The following SYT16 variants were observed in gnomAD, a reference collection of about 807,000 sequenced individuals.
SYT16 encodes synaptotagmin 16.
A neutral mutation model predicts 61.4 loss-of-function variants in SYT16; 42 were observed. The ratio of observed to expected loss-of-function variants is 0.68; its 90% CI spans 0.53 to 0.89. The LOEUF is 0.89. Among genes scored for constraint, SYT16 ranks in the 40% least tolerant of loss-of-function variants. The probability of loss-of-function intolerance (pLI) is 0.00; values close to 1 mark genes in which losing one functional copy is unlikely to be tolerated. For synonymous variants in SYT16, 314 were observed against 302.3 expected (o/e 1.04, Z -0.40); for missense variants, 804 against 807.3 (o/e 1.00, Z 0.05).
chr14:61,875,094 A>C (rs1014269017), intron 1 of SYT16, among the ~76,000 whole-genome samples: 2 of 152,256 alleles, frequency 1.3e-5, no homozygotes, highest in East Asian at 1.9e-4. Context: ...GTACTAAATC[A>C]GTCTACATTT....
intron 1 of SYT16, among the ~76,000 whole-genome samples, chr14:61,846,838 T>C (rs1452091624): frequency 2.6e-5 from 4 of 152,204 alleles, no homozygotes; most frequent in Admixed American, 2.6e-4. Flanking sequence ...GTTTTTTTAT[T>C]GGAAGTTACC....
At position 62,075,190 on chromosome 14, in the gene SYT16, T is replaced by A; in HGVS notation, c.792T>A (p.Asp264Glu). Residue 264 changes from aspartate to glutamate, a missense_variant, in exon 5 of 8, where the codon GAT (aspartate) becomes GAA (glutamate). Physicochemically the swap from Asp to Glu is conservative, Grantham distance 45. Coordinates refer to ENST00000683842, the MANE Select transcript of SYT16 (RefSeq NM_001367656.1). ...CTGAGAATCTCTCCTACGGTGAAGA[T>A]GACCACATCCCTGCTCACTCACAGT... ...RYSENLSYGE[D>E]DHIPAHSQSP... The A allele has an allele frequency of 6.2e-7, 1 of 1,613,166 alleles. No homozygotes were observed. The highest frequency in any genetic ancestry group is 1.1e-5 in the South Asian group (1 of 90,956).
chr14:61,965,881 C>T (rs940232960), intron 1 of SYT16, among the ~76,000 whole-genome samples: 1 of 150,468 alleles, frequency 6.6e-6, no homozygotes, highest in Non-Finnish European at 1.5e-5. Flanking sequence ...GAAAAATGAA[C>T]AAAAGAGACT....
intron 3 of SYT16, among the ~76,000 whole-genome samples, chr14:62,062,928 C>G (rs1295872100): frequency 6.6e-6 from 1 of 152,320 alleles, no homozygotes; most frequent in South Asian, 2.1e-4. Context: ...AGGCTTGGAG[C>G]TACTCTGATC....
chr14:61,940,552 A>G (rs1002487479), intron 1 of SYT16, among the ~76,000 whole-genome samples: 1 of 152,210 alleles, frequency 6.6e-6, no homozygotes, highest in Non-Finnish European at 1.5e-5. Flanking sequence ...TCTAAGCCTC[A>G]GTATATTTCT....
At chr14:61,900,981 C>T (rs959419437) in intron 1 of SYT16, among the ~76,000 whole-genome samples, 12 of 152,190 alleles carry the variant, frequency 7.9e-5, no homozygotes, top group Admixed American at 5.9e-4. Flanking sequence ...CTTCCTGAAG[C>T]CTTGTTGACT....
At chr14:61,926,017 G>C (rs1469533026) in intron 1 of SYT16, among the ~76,000 whole-genome samples, 1 of 152,060 alleles carries the variant, frequency 6.6e-6, no homozygotes, top group Non-Finnish European at 1.5e-5. Flanking sequence ...GATTATGCTT[G>C]GTACATGACA....
intron 3 of SYT16, among the ~76,000 whole-genome samples, chr14:62,013,806 G>T (rs1456331152): frequency 6.6e-6 from 1 of 151,936 alleles, no homozygotes; most frequent in Non-Finnish European, 1.5e-5. Flanking sequence ...TCTACAAAAA[G>T]CAAAAAAATT....
chr14:61,974,648 A>G (rs1188117629), intron 2 of SYT16, among the ~76,000 whole-genome samples: 3 of 152,184 alleles, frequency 2.0e-5, no homozygotes, highest in African/African-American at 7.2e-5. Flanking sequence ...TGAAGGTGGG[A>G]GTGGAAATCC....
At chr14:62,017,250 TTC>T in intron 3 of SYT16, among the ~76,000 whole-genome samples, 1 of 152,216 alleles carries the variant, frequency 6.6e-6, no homozygotes, top group Non-Finnish European at 1.5e-5. Context: ...CCTGGTCACT[TTC>T]TCTTAGTTTC....
At position 62,102,282 on chromosome 14, in the gene SYT16, G is replaced by C. The variant is rs1356551431; in HGVS notation, c.*1575G>C. ...CAGTGTGTAATGGTTATCCTGACAA[G>C]ACCAGACTAGGGCACAGGATAACTC... On this transcript the variant is annotated 3_prime_UTR_variant, in exon 8 of 8. Transcript: ENST00000683842. 1 of 152,184 alleles carries C rather than the reference G, an allele frequency of 6.6e-6. No homozygotes were observed. Among genetic ancestry groups the C allele is most frequent in the Non-Finnish European group, 1.5e-5 (1 of 68,034 alleles). 9.4% of individuals were successfully genotyped at this position (152,184 alleles called of 1,614,324 possible).
chr14:61,938,364 C>G (rs549346425), intron 1 of SYT16, among the ~76,000 whole-genome samples: 28 of 152,102 alleles, frequency 1.8e-4, no homozygotes, highest in Non-Finnish European at 3.7e-4. Context: ...GCCCAGCTTG[C>G]CAGATACGAG....
At chr14:62,048,393 G>A (rs1017257161) in intron 3 of SYT16, among the ~76,000 whole-genome samples, 3 of 152,056 alleles carry the variant, frequency 2.0e-5, no homozygotes, top group African/African-American at 7.2e-5. Context: ...CTTGCTAGCT[G>A]TCTATCAATT....
At chr14:61,836,482 A>C (rs1218535015) in intron 1 of SYT16, among the ~76,000 whole-genome samples, 1 of 152,212 alleles carries the variant, frequency 6.6e-6, no homozygotes, top group African/African-American at 2.4e-5. Flanking sequence ...ACAGTCTAAA[A>C]TTGAATATTA....
intron 1 of SYT16, among the ~76,000 whole-genome samples, chr14:61,908,322 A>T (rs1277140154): frequency 6.6e-6 from 1 of 152,236 alleles, no homozygotes; most frequent in Non-Finnish European, 1.5e-5. Context: ...TCTGATCATA[A>T]GAATTATCTT....
chr14:61,918,200 A>C (rs1352045424), intron 1 of SYT16, among the ~76,000 whole-genome samples: 1 of 152,180 alleles, frequency 6.6e-6, no homozygotes, highest in East Asian at 1.9e-4. Flanking sequence ...TAACATTATC[A>C]ATGAAGGTCA....
At chr14:61,941,871 T>A (rs562296094) in intron 1 of SYT16, among the ~76,000 whole-genome samples, 1 of 152,346 alleles carries the variant, frequency 6.6e-6, no homozygotes, top group East Asian at 1.9e-4. Flanking sequence ...GTCAATAAGC[T>A]TTTTGGAAAG....
chr14:61,852,622 G>T (rs998831941), intron 1 of SYT16, among the ~76,000 whole-genome samples: 10 of 152,134 alleles, frequency 6.6e-5, no homozygotes, highest in Non-Finnish European at 1.5e-4. Flanking sequence ...TCTACTTGAA[G>T]AGGTTCTTCG....
At chr14:61,864,912 G>T in intron 1 of SYT16, 4 of 1,263,470 alleles carry the variant, frequency 3.2e-6, no homozygotes, top group Non-Finnish European at 3.5e-6. Flanking sequence ...GGGATGCTCC[G>T]TGTCTTAACC....
Sources: allele counts gnomAD v4.1 joint callset (sites outside exome capture counted in the v4.1 genomes callset), GRCh38; gene constraint gnomAD v4.1.1; transcripts MANE v1.5; gene names NCBI Gene and HGNC (gene_info 2026-07-23, HGNC 2026-07-21).